CYFIP2: variants seen among roughly 807,000 people sequenced by gnomAD.
The protein encoded by CYFIP2 is cytoplasmic FMR1-interacting protein 2.
Under a neutral mutation model 158.7 loss-of-function variants are expected in CYFIP2, and 29 were observed. The observed-to-expected ratio is 0.18, with a 90% CI of 0.14 to 0.25. CYFIP2 has a LOEUF of 0.25. Among genes scored for constraint, CYFIP2 ranks in the 10% least tolerant of loss-of-function variants. The pLI, the probability that CYFIP2 is intolerant of heterozygous loss-of-function variation, is 1.00. For missense variants in CYFIP2, 852 were observed against 1,639.5 expected (o/e 0.52, Z 8.29); for synonymous variants, 585 against 617.6 (o/e 0.95, Z 0.78).
chr5:157,370,531 AAAAAC>A (rs1764898996), intron 26 of CYFIP2, among the ~76,000 whole-genome samples: 1 of 152,242 alleles, frequency 6.6e-6, no homozygotes, highest in Non-Finnish European at 1.5e-5. Flanking sequence ...CCTCTTTGAT[AAAAAC>A]AAGATTAGTA....
rs752420029 is a variant in CYFIP2, at chr5:157,324,037, A to G, written c.1788A>G (p.Lys596=). 2 of 1,613,762 alleles carry G rather than the reference A, an allele frequency of 1.2e-6. No individual in the cohort carries two copies. The highest frequency in any genetic ancestry group is 1.1e-5 in the South Asian group (1 of 91,038). ...TCCTCGCCATAGAGGACTTTCACAAACAGTCCTTCTTCTTCACACATCTGC... is the reference window on the plus strand; with the variant it reads ...TCCTCGCCATAGAGGACTTTCACAAGCAGTCCTTCTTCTTCACACATCTGC... The part of the protein sequence containing the change: ...PIVLAIEDFH[K]QSFFFTHLLN... Residue 596 remains lysine, a synonymous_variant, in exon 16 of 31, where the codon AAA becomes AAG. Coordinates refer to ENST00000620254, the MANE Select transcript of CYFIP2 (RefSeq NM_001037333.3).
chr5:157,302,981 C>G (rs1758906081), intron 7 of CYFIP2, 91 bp downstream of exon 7: 1 of 945,478 alleles, frequency 1.1e-6, no homozygotes, highest in Non-Finnish European at 1.6e-6. Flanking sequence ...CCCAAGCAGA[C>G]AAGCTCAGTC....
At chr5:157,372,821 A>G (rs1765117509) in intron 26 of CYFIP2, among the ~76,000 whole-genome samples, 1 of 151,968 alleles carries the variant, frequency 6.6e-6, no homozygotes, top group Non-Finnish European at 1.5e-5. Flanking sequence ...CTTAGAGAAC[A>G]CCTCTGGCAG....
chr5:157,319,072 A>G lies in CYFIP2; in HGVS notation c.1357-690A>G, dbSNP rs1183752911. Among the ~76,000 whole-genome samples, 6 of 152,274 alleles carry G rather than the reference A, an allele frequency of 3.9e-5. No individual in the cohort carries two copies. The East Asian group carries it at 1.2e-3, about 29-fold the overall frequency. ...ATGGTTACTGCAAGAAGCAGCCAGAAACCTAGAAGGGAGGCCACATACTTG... is the reference window on the plus strand; with the variant it reads ...ATGGTTACTGCAAGAAGCAGCCAGAGACCTAGAAGGGAGGCCACATACTTG... On this transcript the variant is annotated intron_variant, in intron 13 of 30. Transcript: ENST00000620254.
At chr5:157,386,492 C>T (rs1404499023) in intron 28 of CYFIP2, among the ~76,000 whole-genome samples, 1 of 152,194 alleles carries the variant, frequency 6.6e-6, no homozygotes, top group Non-Finnish European at 1.5e-5. Flanking sequence ...TAGATGCACA[C>T]GGATCAACTT....
chr5:157,292,432 T>G (rs897410769), intron 3 of CYFIP2, among the ~76,000 whole-genome samples: 1 of 152,164 alleles, frequency 6.6e-6, no homozygotes, highest in Non-Finnish European at 1.5e-5. Context: ...TTCATCAGGC[T>G]GGCCTCGAAC....
chr5:157,279,189 G>GA (rs1756792885), intron 1 of CYFIP2, among the ~76,000 whole-genome samples: 2 of 152,166 alleles, frequency 1.3e-5, no homozygotes, highest in Non-Finnish European at 2.9e-5. Context: ...AAACATTGAG[G>GA]ACAGGCACTA....
chr5:157,360,574 C>T (rs75800555), intron 25 of CYFIP2, among the ~76,000 whole-genome samples: 1 of 152,010 alleles, frequency 6.6e-6, no homozygotes. Context: ...ATGATGCTTG[C>T]GGGACCTGCC....
intron 23 of CYFIP2, among the ~76,000 whole-genome samples, chr5:157,353,817 T>C (rs1447332855): frequency 6.6e-6 from 1 of 152,222 alleles, no homozygotes; most frequent in Non-Finnish European, 1.5e-5. Flanking sequence ...TAATTCCTCT[T>C]GGGATCTCTG....
intron 1 of CYFIP2, among the ~76,000 whole-genome samples, chr5:157,278,926 G>A (rs1311074068): frequency 6.6e-6 from 1 of 152,168 alleles, no homozygotes; most frequent in Non-Finnish European, 1.5e-5. Flanking sequence ...AAAGTAACCT[G>A]AAGTAACTTG....
intron 3 of CYFIP2, chr5:157,288,646 A>G (rs1044875882): frequency 4.4e-6 from 2 of 455,956 alleles, no homozygotes; most frequent in Non-Finnish European, 8.8e-6. Context: ...TGCTCCTGAC[A>G]TCAACCCTGT....
chr5:157,304,122 G>C, intron 7 of CYFIP2, 116 bp from the exon 8 acceptor site: 1 of 1,339,472 alleles, frequency 7.5e-7, no homozygotes, highest in Non-Finnish European at 1.0e-6. Flanking sequence ...CCCTGGAGCT[G>C]TGATTCCTGG....
chr5:157,309,912 C>A, intron 10 of CYFIP2, 78 bp downstream of exon 10: 1 of 1,311,282 alleles, frequency 7.6e-7, no homozygotes, highest in Non-Finnish European at 1.1e-6. Context: ...CCACTTCAGC[C>A]CCTCCTCCCT....
At chr5:157,303,025 T>C (rs1327663486) in intron 7 of CYFIP2, 135 bp downstream of exon 7, 4 of 682,170 alleles carry the variant, frequency 5.9e-6, no homozygotes, top group Non-Finnish European at 9.9e-6. Context: ...TACTTGAGAG[T>C]GAAATGTAGC....
chr5:157,351,246 G>A (rs1763048826), intron 23 of CYFIP2, among the ~76,000 whole-genome samples: 1 of 152,266 alleles, frequency 6.6e-6, no homozygotes, highest in East Asian at 1.9e-4. Context: ...AATAGTAGCT[G>A]TTATTATTAA....
intron 26 of CYFIP2, among the ~76,000 whole-genome samples, chr5:157,366,224 C>T (rs1054530939): frequency 3.9e-5 from 6 of 152,146 alleles, no homozygotes; most frequent in African/African-American, 1.4e-4. Context: ...TGCTACTAGC[C>T]ATTTGGACAC....
chr5:157,267,696 C>T (rs111865460), intron 1 of CYFIP2, among the ~76,000 whole-genome samples: 8 of 152,152 alleles, frequency 5.3e-5, no homozygotes, highest in Non-Finnish European at 8.8e-5. Flanking sequence ...AGTCATTTGA[C>T]CGGAAAAGAA....
At chr5:157,285,187 C>T (rs2288069) in intron 1 of CYFIP2, among the ~76,000 whole-genome samples, 152 bp from the exon 2 acceptor site, 35,964 of 152,052 alleles carry the variant, frequency 0.24, 4,956 homozygotes, top group African/African-American at 0.37. Flanking sequence ...AGATACACAT[C>T]GAGAGCACCT....
At chr5:157,341,265 AT>A in intron 23 of CYFIP2, 108 bp downstream of exon 23, 3 of 1,064,616 alleles carry the variant, frequency 2.8e-6, no homozygotes, top group Non-Finnish European at 4.3e-6. Context: ...AAAGGCAGCA[AT>A]GAGGTCAGGC....
Sources: gnomAD v4.1 joint callset for allele counts (sites outside exome capture counted in the v4.1 genomes callset) on GRCh38, gnomAD v4.1.1 for gene constraint, MANE v1.5 for transcripts, NCBI Gene and HGNC (gene_info 2026-07-23, HGNC 2026-07-21) for gene names.